The following SCAPER variants were observed in gnomAD, a reference collection of about 807,000 sequenced individuals.
The protein encoded by SCAPER is S phase cyclin A-associated protein in the endoplasmic reticulum.
A neutral mutation model predicts 182.2 loss-of-function variants in SCAPER; 98 were observed. The observed-to-expected ratio is 0.54, with a 90% CI of 0.46 to 0.64. SCAPER has a LOEUF of 0.64. SCAPER is among the 30% of genes least tolerant of loss of function. The pLI is 0.00. For missense variants in SCAPER, 1,432 were observed against 1,690.0 expected (o/e 0.85, Z 2.68); for synonymous variants, 605 against 564.6 (o/e 1.07, Z -1.01).
intron 23 of SCAPER, among the ~76,000 whole-genome samples, chr15:76,555,408 T>A (rs1219447457): frequency 6.6e-6 from 1 of 152,126 alleles, no homozygotes; most frequent in Non-Finnish European, 1.5e-5. Flanking sequence ...GGAAATAGGC[T>A]ACATGCCCCA....
chr15:76,819,909 C>T (rs1260829195), intron 5 of SCAPER, among the ~76,000 whole-genome samples: 3 of 152,098 alleles, frequency 2.0e-5, no homozygotes, highest in African/African-American at 7.2e-5. Context: ...AAAAACAACC[C>T]CATCAAAAAG....
intron 26 of SCAPER, among the ~76,000 whole-genome samples, chr15:76,405,177 G>A (rs540423010): frequency 1.4e-5 from 2 of 141,084 alleles, no homozygotes; most frequent in South Asian, 4.5e-4. Flanking sequence ...GCAGAGACAT[G>A]ATCATAGCTC....
chr15:76,446,256 C>T (rs1358245341), intron 25 of SCAPER, among the ~76,000 whole-genome samples: 3 of 152,096 alleles, frequency 2.0e-5, no homozygotes, highest in Non-Finnish European at 4.4e-5. Flanking sequence ...GTATACAATA[C>T]TGAAAATTAA....
chr15:76,533,798 A>G (rs2043888731), intron 23 of SCAPER, among the ~76,000 whole-genome samples: 1 of 152,090 alleles, frequency 6.6e-6, no homozygotes, highest in African/African-American at 2.4e-5. Context: ...TCCTCTGTCT[A>G]TCTATCAGCA....
intron 24 of SCAPER, among the ~76,000 whole-genome samples, chr15:76,492,940 G>A (rs564561960): frequency 2.6e-5 from 4 of 151,224 alleles, no homozygotes; most frequent in Admixed American, 1.3e-4. Flanking sequence ...GGATGAAGAG[G>A]GAAAATTTCT....
At chr15:76,684,347 A>G (rs2057906754) in intron 20 of SCAPER, among the ~76,000 whole-genome samples, 1 of 152,206 alleles carries the variant, frequency 6.6e-6, no homozygotes, top group South Asian at 2.1e-4. Flanking sequence ...CATATGCTCA[A>G]TGTAAAGGGA....
intron 24 of SCAPER, among the ~76,000 whole-genome samples, chr15:76,504,630 G>C (rs141222509): frequency 2.2e-4 from 33 of 152,268 alleles, no homozygotes; most frequent in African/African-American, 7.7e-4. Flanking sequence ...TTTCAGATTA[G>C]AGCACATCAC....
intron 4 of SCAPER, among the ~76,000 whole-genome samples, chr15:76,854,794 C>A (rs62029232): frequency 0.37 from 44,827 of 122,540 alleles, 7,364 homozygotes; most frequent in East Asian, 0.58. Context: ...CCCATCTCTA[C>A]TAAAAATACA....
chr15:76,455,470 C>T (rs1406076386), intron 25 of SCAPER, among the ~76,000 whole-genome samples: 1 of 151,818 alleles, frequency 6.6e-6, no homozygotes, highest in Non-Finnish European at 1.5e-5. Flanking sequence ...TTCCTGTAAG[C>T]ATTGTTTTTT....
intron 21 of SCAPER, among the ~76,000 whole-genome samples, chr15:76,638,836 T>C (rs867358853): frequency 3.9e-5 from 6 of 152,214 alleles, no homozygotes; most frequent in African/African-American, 1.4e-4. Context: ...TAAATTCTCA[T>C]ACAGCATTTA....
intron 5 of SCAPER, among the ~76,000 whole-genome samples, chr15:76,835,538 C>CT (rs2068853860): frequency 6.6e-6 from 1 of 152,080 alleles, no homozygotes; most frequent in South Asian, 2.1e-4. Flanking sequence ...ATAAAGATAA[C>CT]ATAACTGAAA....
At chr15:76,378,723 A>G (rs1275306579) in intron 28 of SCAPER, among the ~76,000 whole-genome samples, 1 of 152,190 alleles carries the variant, frequency 6.6e-6, no homozygotes, top group Non-Finnish European at 1.5e-5. Context: ...AAGTCATAAA[A>G]AGTCCTGTAG....
intron 23 of SCAPER, among the ~76,000 whole-genome samples, chr15:76,510,864 C>CAT (rs2041965007): frequency 7.3e-5 from 11 of 150,610 alleles, no homozygotes; most frequent in African/African-American, 2.4e-4. Context: ...CTGGTGCGCG[C>CAT]GTGTGTGTGT....
chr15:76,490,366 A>G (rs1011343183), intron 24 of SCAPER, among the ~76,000 whole-genome samples: 1 of 152,132 alleles, frequency 6.6e-6, no homozygotes, highest in Non-Finnish European at 1.5e-5. Flanking sequence ...GTGGTTTTGA[A>G]CTGTATTCCT....
chr15:76,695,522 A>C (rs916256709), intron 20 of SCAPER, among the ~76,000 whole-genome samples: 2 of 151,452 alleles, frequency 1.3e-5, no homozygotes, highest in Non-Finnish European at 2.9e-5. Context: ...GCTTGAACCC[A>C]GGAGGCAGAG....
Position 76,881,790 on chromosome 15 carries a change from GAAT to G in SCAPER, c.6+2019_6+2021del, listed in dbSNP as rs539331740. Among the ~76,000 whole-genome samples, 78 of 152,264 alleles carry G rather than the reference GAAT, an allele frequency of 5.1e-4. 1 individual carries two copies. Among genetic ancestry groups the G allele is most frequent in the African/African-American group, 1.8e-3 (73 of 41,550 alleles). ...TTTCAAGACAAGGAGTTCTGAAGAT[GAAT>G]AATAGTGATAGCTGCACAACAATAT... On this transcript the variant is annotated intron_variant, in intron 2 of 31. Coordinates refer to ENST00000563290, the MANE Select transcript of SCAPER (RefSeq NM_020843.4).
intron 23 of SCAPER, among the ~76,000 whole-genome samples, chr15:76,559,771 A>C (rs2046467185): frequency 6.6e-6 from 1 of 152,176 alleles, no homozygotes. Flanking sequence ...TGAGGACTGA[A>C]AAATTACCTG....
At chr15:76,479,319 T>C (rs916326458) in intron 24 of SCAPER, among the ~76,000 whole-genome samples, 2 of 152,152 alleles carry the variant, frequency 1.3e-5, no homozygotes, top group Admixed American at 6.5e-5. Context: ...CCAAGCAGCT[T>C]TCCCTGTAAT....
chr15:76,551,594 C>T (rs574112524), intron 23 of SCAPER, among the ~76,000 whole-genome samples: 8 of 152,110 alleles, frequency 5.3e-5, no homozygotes, highest in Admixed American at 1.3e-4. Context: ...TCAATGGTTA[C>T]AAAATTACAG....
Sources: gnomAD v4.1 joint callset for allele counts (sites outside exome capture counted in the v4.1 genomes callset) on GRCh38, gnomAD v4.1.1 for gene constraint, MANE v1.5 for transcripts, NCBI Gene and HGNC (gene_info 2026-07-23, HGNC 2026-07-21) for gene names.